The following MIR2052HG variants were observed in gnomAD, a reference collection of about 807,000 sequenced individuals.
MIR2052HG encodes MIR2052 host gene.
At chr8:74,723,600 G>A (rs749375839) in intron 4 of MIR2052HG, among the ~76,000 whole-genome samples, 2 of 152,056 alleles carry the variant, frequency 1.3e-5, no homozygotes, top group African/African-American at 4.8e-5. Context: ...ATGTAAGGTG[G>A]GCATCTGGCT....
chr8:74,607,377 C>T (rs527679647), intron 1 of MIR2052HG, among the ~76,000 whole-genome samples: 109 of 152,224 alleles, frequency 7.2e-4, no homozygotes, highest in Middle Eastern at 3.4e-3. Context: ...TTTGAGAGGC[C>T]GAGGTGGGTG....
At chr8:74,649,961 A>G (rs766621843) in intron 2 of MIR2052HG, among the ~76,000 whole-genome samples, 8 of 152,068 alleles carry the variant, frequency 5.3e-5, no homozygotes, top group Non-Finnish European at 1.0e-4. Context: ...CTGAGTGTGT[A>G]TATTTGAAAT....
chr8:74,721,826 T>C (rs1809580700), intron 4 of MIR2052HG, among the ~76,000 whole-genome samples: 1 of 152,046 alleles, frequency 6.6e-6, no homozygotes, highest in South Asian at 2.1e-4. Flanking sequence ...CAGACAAACA[T>C]GAAGGGGAGG....
chr8:74,638,066 ATTAC>A (rs1808601634), intron 2 of MIR2052HG, among the ~76,000 whole-genome samples: 1 of 152,150 alleles, frequency 6.6e-6, no homozygotes, highest in African/African-American at 2.4e-5. Flanking sequence ...TTATAGGGAT[ATTAC>A]TTACAATGGG....
intron 2 of MIR2052HG, among the ~76,000 whole-genome samples, chr8:74,647,450 T>C (rs1808700938): frequency 6.6e-6 from 1 of 152,216 alleles, no homozygotes; most frequent in Non-Finnish European, 1.5e-5. Flanking sequence ...AATTAGCTCC[T>C]TCTTGGCAAT....
At chr8:74,677,050 ATT>A (rs1338095557) in intron 2 of MIR2052HG, among the ~76,000 whole-genome samples, 1 of 152,110 alleles carries the variant, frequency 6.6e-6, no homozygotes, top group Admixed American at 6.6e-5. Flanking sequence ...TTGTGTAACT[ATT>A]TTAATATCAA....
At chr8:74,609,190 C>T (rs919290198) in intron 1 of MIR2052HG, among the ~76,000 whole-genome samples, 5 of 151,784 alleles carry the variant, frequency 3.3e-5, no homozygotes. Context: ...ATAAATTTGA[C>T]TACTTACAAG....
chr8:74,738,063 TTATG>T lies in MIR2052HG; in HGVS notation n.372-14365_372-14362del, dbSNP rs745492029. On this transcript the variant is annotated intron_variant and non_coding_transcript_variant, in intron 4 of 6. Coordinates refer to ENST00000523442, the Ensembl canonical transcript of MIR2052HG. ...ATGCATGTATGTATGTATCTATCATTTATGTATGTATGTATGATCTATGTATGTA... is the reference window on the plus strand; with the variant it reads ...ATGCATGTATGTATGTATCTATCATTTATGTATGTATGATCTATGTATGTA... Among the ~76,000 whole-genome samples, 13 of 152,116 alleles carry T rather than the reference TTATG, an allele frequency of 8.5e-5. No homozygotes were observed. In the South Asian group the frequency reaches 1.2e-3, roughly 15 times the overall value.
At chr8:74,750,146 CA>C (rs1246171856) in intron 4 of MIR2052HG, among the ~76,000 whole-genome samples, 1 of 152,054 alleles carries the variant, frequency 6.6e-6, no homozygotes, top group Non-Finnish European at 1.5e-5. Flanking sequence ...CATTTCAAAG[CA>C]ATATCACAAA....
intron 2 of MIR2052HG, among the ~76,000 whole-genome samples, chr8:74,654,820 C>T (rs1303008321): frequency 6.6e-6 from 1 of 152,060 alleles, no homozygotes; most frequent in Non-Finnish European, 1.5e-5. Flanking sequence ...GGGTAACGGG[C>T]AGAGGTTGAA....
At chr8:74,666,115 T>A (rs1199674408) in intron 2 of MIR2052HG, among the ~76,000 whole-genome samples, 4 of 152,160 alleles carry the variant, frequency 2.6e-5, no homozygotes, top group Non-Finnish European at 5.9e-5. Context: ...CATACAACTG[T>A]CCCTGCCTCC....
At chr8:74,615,076 A>G (rs1036391264) in intron 2 of MIR2052HG, 1 of 152,172 alleles carries the variant, frequency 6.6e-6, no homozygotes, top group Non-Finnish European at 1.5e-5. Flanking sequence ...TCCTCCTTAG[A>G]ACAGCTGCTC....
In MIR2052HG at chr8:74,729,736, A is replaced by G. The variant is rs376004197; in HGVS notation, n.372-22705A>G. 8.5e-5 allele frequency among the ~76,000 whole-genome samples: 13 copies of G among 152,278 alleles called. 1 individual carries two copies. The highest frequency in any genetic ancestry group is 2.6e-4 in the Admixed American group (4 of 15,292). On this transcript the variant is annotated intron_variant and non_coding_transcript_variant, in intron 4 of 6. Transcript: ENST00000523442. ...TAAAAATCCCTATTACTTAAGGGAG[A>G]TTTGCTATGCACTGAATCTGAAAAA...
At chr8:74,602,437 G>A (rs1808014274) in intron 1 of MIR2052HG, among the ~76,000 whole-genome samples, 1 of 151,970 alleles carries the variant, frequency 6.6e-6, no homozygotes, top group Non-Finnish European at 1.5e-5. Context: ...TTTAGCATAT[G>A]ATCAAGAAAT....
chr8:74,607,476 G>C (rs1232603788), intron 1 of MIR2052HG, among the ~76,000 whole-genome samples: 3 of 152,120 alleles, frequency 2.0e-5, no homozygotes, highest in African/African-American at 7.2e-5. Context: ...GCCGGGCGTG[G>C]TGGTGGGTGC....
chr8:74,753,813 A>G (rs946635070), intron 5 of MIR2052HG, among the ~76,000 whole-genome samples: 2 of 152,192 alleles, frequency 1.3e-5, no homozygotes, highest in Non-Finnish European at 2.9e-5. Flanking sequence ...GTCTATTGAC[A>G]TATCATGCTG....
At chr8:74,645,561 C>T (rs1454693949) in intron 2 of MIR2052HG, among the ~76,000 whole-genome samples, 5 of 152,210 alleles carry the variant, frequency 3.3e-5, no homozygotes, top group South Asian at 2.1e-4. Flanking sequence ...CTGGGATTAC[C>T]GGCGCGAGCC....
At chr8:74,645,944 T>A (rs944888659) in intron 2 of MIR2052HG, among the ~76,000 whole-genome samples, 1 of 152,216 alleles carries the variant, frequency 6.6e-6, no homozygotes, top group African/African-American at 2.4e-5. Flanking sequence ...CTCCTGATAT[T>A]TTTTTCATCA....
intron 3 of MIR2052HG, among the ~76,000 whole-genome samples, chr8:74,703,201 C>G (rs1462911311): frequency 1.3e-5 from 2 of 151,956 alleles, no homozygotes; most frequent in African/African-American, 4.8e-5. Context: ...CTGATGGTGA[C>G]CAAATCTTGT....
Sources: allele counts gnomAD v4.1 joint callset (sites outside exome capture counted in the v4.1 genomes callset), GRCh38; gene constraint gnomAD v4.1.1; transcripts MANE v1.5; gene names NCBI Gene and HGNC (gene_info 2026-07-23, HGNC 2026-07-21).